F8: variants seen among roughly 807,000 people sequenced by gnomAD.
The protein encoded by F8 is antihemophilic factor.
In F8, 12 loss-of-function variants were observed where a neutral mutation model predicts 140.6. The observed-to-expected ratio is 0.09, with a 90% CI of 0.05 to 0.14. The LOEUF (loss-of-function observed/expected upper bound fraction) is 0.14, where lower values mean the gene tolerates loss of function less well. F8 is among the 10% of genes least tolerant of loss of function. The pLI is 1.00. For synonymous variants in F8, 585 were observed against 614.6 expected, an observed-to-expected ratio of 0.95 and a Z score of 0.71; for missense variants, 1,354 against 1,720.7, an observed-to-expected ratio of 0.79 and a Z score of 3.77.
rs1557273950 is a variant in F8 at position 154,875,771 on chromosome X, GT to G, written c.6430-12545del. 7.5e-3 allele frequency among the ~76,000 whole-genome samples: 786 copies of G among 104,684 alleles called. 2 individuals carry two copies. The highest frequency in any genetic ancestry group is 0.011 in the Non-Finnish European group (590 of 52,060). The allele number at this position is 104,684 out of a possible 115,157, so 90.9% of individuals were successfully genotyped here. A position where few individuals can be genotyped will look rare whatever the true frequency, so the allele number is the denominator to read the frequency against. ...TGTGTGTGTGTGTGTGTGTGTGTGT[GT>G]GTAGAGAGAGAGAGAGTCTATAATG... On this transcript the variant is annotated intron_variant, in intron 22 of 25. Transcript: ENST00000360256.
intron 1 of F8, among the ~76,000 whole-genome samples, chrX:155,021,020 T>C (rs985775740): frequency 3.6e-5 from 4 of 112,076 alleles, no homozygotes; most frequent in African/African-American, 1.3e-4. Context: ...TGATATAGGA[T>C]ATAGTAGCCA....
chrX:154,863,252 A>G (rs781899064), intron 22 of F8, 25 bp from the exon 23 acceptor site: 3 of 1,198,318 alleles, frequency 2.5e-6, no homozygotes, highest in Non-Finnish European at 3.4e-6. Context: ...TAGCACAAAT[A>G]CATGGAAAGT....
At position 154,837,349 on chromosome X, in the gene F8, A is replaced by T; in HGVS notation, c.*248T>A. The T allele has an allele frequency of 2.6e-6, 1 of 389,713 alleles. No homozygotes were observed. The highest frequency in any genetic ancestry group is 4.5e-6 in the Non-Finnish European group (1 of 223,303). The allele number at this position is 389,713 out of a possible 1,213,427, so 32.1% of individuals were successfully genotyped here. A position where few individuals can be genotyped will look rare whatever the true frequency, so the allele number is the denominator to read the frequency against. On this transcript the variant is annotated 3_prime_UTR_variant, in exon 26 of 26. Coordinates refer to ENST00000360256, the MANE Select transcript of F8 (RefSeq NM_000132.4). The stretch of plus-strand genomic sequence containing the variant: ...GGTTTCTCCTCACTTCTTTTTGCCT[A>T]GTTATATTGGAAGGAAGGAGTAATC...
At chrX:154,902,028 C>T (rs782686714) in intron 19 of F8, 23 bp downstream of exon 19, 5 of 1,043,875 alleles carry the variant, frequency 4.8e-6, no homozygotes, top group Admixed American at 2.2e-5. Context: ...AGGTAGGGAA[C>T]CTCTGCCCAC....
At chrX:154,947,487 A>G (rs2073312659) in intron 13 of F8, among the ~76,000 whole-genome samples, 1 of 111,389 alleles carries the variant, frequency 9.0e-6, no homozygotes, top group South Asian at 3.7e-4. Context: ...GGTTCCTCAA[A>G]AAACTAAAAA....
At chrX:154,848,214 G>A in intron 25 of F8, among the ~76,000 whole-genome samples, 1 of 113,009 alleles carries the variant, frequency 8.8e-6, no homozygotes, top group Admixed American at 9.3e-5. Flanking sequence ...GTGCCTCCCA[G>A]TTAGGCTACT....
intron 1 of F8, among the ~76,000 whole-genome samples, chrX:155,002,180 C>T (rs971069155): frequency 4.5e-5 from 5 of 112,350 alleles, no homozygotes; most frequent in African/African-American, 1.6e-4. Context: ...TTCCTTCTTT[C>T]GTAATGCTTT....
In F8 at chrX:154,906,572, C is replaced by A. The variant is rs782710956; in HGVS notation, c.5221G>T (p.Ala1741Ser). The change falls in exon 15 of 26, where the codon GCT becomes TCT. Residue 1741 changes from alanine (A) to serine (S), a missense_variant and splice_region_variant. By Grantham distance (99) the Ala-to-Ser change is moderately conservative. Transcript: ENST00000360256. ...SSSPHVLRNRAQSGSVPQFKK... is the reference protein window; with the variant it reads ...SSSPHVLRNRSQSGSVPQFKK... ...AACTGAGGGACACTGCCACTCTGAG[C>A]CCTGGAGAAAAAAAGCAGAGGAAAA... is the stretch of plus-strand genomic sequence containing the variant. 8.3e-7 allele frequency: 1 copy of A among 1,207,565 alleles called. No individual in the cohort carries two copies. Among genetic ancestry groups the A allele is most frequent in the African/African-American group, 1.8e-5 (1 of 56,867 alleles).
intron 2 of F8, among the ~76,000 whole-genome samples, chrX:154,998,921 T>A (rs2073631925): frequency 1.8e-5 from 2 of 111,751 alleles, no homozygotes; most frequent in South Asian, 3.8e-4. Context: ...TTCTAAGTGG[T>A]TCTCCTGAAG....
chrX:154,929,482 T>C lies in F8; in HGVS notation c.4308A>G (p.Pro1436=). Residue 1436 remains proline, a synonymous_variant, in exon 14 of 26, where the codon CCA becomes CCG. Coordinates refer to ENST00000360256, the MANE Select transcript of F8 (RefSeq NM_000132.4). ...AATCTTTCTTTCTATAAGATGCTGC[T>C]GGAAGATGAGAAGAGTTGTCTTGGA... ...VLFQDNSSHL[P]AASYRKKDSG... 8.3e-7 allele frequency: 1 copy of C among 1,211,789 alleles called. No individual in the cohort carries two copies. The highest frequency in any genetic ancestry group is 1.1e-6 in the Non-Finnish European group (1 of 895,447).
At chrX:154,982,460 A>T (rs200568237) in intron 6 of F8, among the ~76,000 whole-genome samples, 1,917 of 95,007 alleles carry the variant, frequency 0.02, 84 homozygotes, top group Admixed American at 0.1. Flanking sequence ...AAAAAAAAAA[A>T]AAAAATATAT....
chrX:154,893,333 G>T (rs782297355), intron 22 of F8, among the ~76,000 whole-genome samples: 1 of 112,082 alleles, frequency 8.9e-6, no homozygotes, highest in African/African-American at 3.2e-5. Flanking sequence ...CTCATATTTG[G>T]CTCATAATAA....
intron 14 of F8, among the ~76,000 whole-genome samples, chrX:154,911,247 C>T (rs782344660): frequency 1.5e-4 from 16 of 108,159 alleles, no homozygotes; most frequent in East Asian, 8.8e-4. Flanking sequence ...CTCAGTCTCT[C>T]GTCCCACCTG....
intron 25 of F8, among the ~76,000 whole-genome samples, chrX:154,850,083 T>TTGTGTGTGTGTGTG (rs60052978): frequency 5.2e-5 from 5 of 96,087 alleles, no homozygotes; most frequent in South Asian, 1.1e-3. Context: ...CAGGCTTGTT[T>TTGTGTGTGTGTGTG]TGTGTGTGTG....
At chrX:154,842,296 G>C (rs1020261036) in intron 25 of F8, among the ~76,000 whole-genome samples, 18 of 110,783 alleles carry the variant, frequency 1.6e-4, no homozygotes, top group African/African-American at 4.6e-4. Context: ...ACCAACTTTT[G>C]GTTTTCTTTA....
At position 154,947,917 on chromosome X, in the gene F8, C is replaced by T. The variant is rs2073315473; in HGVS notation, c.1904-10G>A. ...ACATAGCCATTGATGCCTGCAAAAA[C>T]AATGGGGAAAAGAGATTTAGACACA... On this transcript the variant is annotated splice_polypyrimidine_tract_variant and intron_variant, in intron 12 of 25. Coordinates refer to ENST00000360256, the MANE Select transcript of F8 (RefSeq NM_000132.4). 1 of 1,184,799 alleles carries T rather than the reference C, an allele frequency of 8.4e-7. No homozygotes were observed. The highest frequency in any genetic ancestry group is 1.1e-6 in the Non-Finnish European group (1 of 872,555).
intron 1 of F8, among the ~76,000 whole-genome samples, chrX:155,018,643 T>C (rs2073746459): frequency 8.9e-6 from 1 of 111,924 alleles, no homozygotes; most frequent in African/African-American, 3.2e-5. Context: ...CTACAGATAA[T>C]GTGGAGTAAA....
intron 14 of F8, among the ~76,000 whole-genome samples, chrX:154,921,655 T>G (rs1557277578): frequency 9.0e-6 from 1 of 111,466 alleles, no homozygotes; most frequent in Non-Finnish European, 1.9e-5. Context: ...ATAGACTGGA[T>G]TAAGAAAATG....
intron 12 of F8, among the ~76,000 whole-genome samples, chrX:154,948,672 T>G (rs2073320224): frequency 8.9e-6 from 1 of 111,982 alleles, no homozygotes; most frequent in Admixed American, 9.5e-5. Flanking sequence ...AACATTGGCC[T>G]TAGTCTATGA....
Sources: allele counts gnomAD v4.1 joint callset (sites outside exome capture counted in the v4.1 genomes callset), GRCh38; gene constraint gnomAD v4.1.1; transcripts MANE v1.5; gene names NCBI Gene and HGNC (gene_info 2026-07-23, HGNC 2026-07-21).